The following DCT variants were observed in gnomAD, a reference collection of about 807,000 sequenced individuals.
DCT encodes dopachrome tautomerase.
DCT carries 47 observed loss-of-function variants against 53.0 expected under a neutral mutation model. That is an observed-to-expected ratio of 0.89 (90% CI 0.70 to 1.13). The LOEUF (loss-of-function observed/expected upper bound fraction) is 1.13. Ranked by LOEUF, DCT falls within the 50% of genes most tolerant of loss-of-function variation. DCT has a pLI of 0.00. For synonymous variants in DCT, 244 were observed against 237.0 expected (o/e 1.03, Z -0.27); for missense variants, 669 against 637.4 (o/e 1.05, Z -0.53).
intron 4 of DCT, among the ~76,000 whole-genome samples, chr13:94,464,367 A>G (rs1594303638): frequency 6.6e-6 from 1 of 152,142 alleles, no homozygotes; most frequent in East Asian, 1.9e-4. Context: ...AGGCCGGGTG[A>G]GGTGGCTTAC....
the DCT span, among the ~76,000 whole-genome samples, chr13:94,515,243 C>A: frequency 6.6e-6 from 1 of 152,142 alleles, no homozygotes; most frequent in Non-Finnish European, 1.5e-5. Context: ...TGTAGCAGCC[C>A]CAACTGACTA....
the DCT span, among the ~76,000 whole-genome samples, chr13:94,496,964 G>A: frequency 6.6e-6 from 1 of 152,192 alleles, no homozygotes; most frequent in Non-Finnish European, 1.5e-5. Flanking sequence ...CACGTTAAGA[G>A]TTGAACTAAA....
intron 6 of DCT, chr13:94,445,745 T>C (rs1446320804): frequency 6.3e-7 from 1 of 1,586,752 alleles, no homozygotes; most frequent in Non-Finnish European, 8.6e-7. Flanking sequence ...GGGAGTTCCT[T>C]GGTCGCTTTC....
At chr13:94,494,220 A>G in the DCT span, among the ~76,000 whole-genome samples, 1 of 152,100 alleles carries the variant, frequency 6.6e-6, no homozygotes, top group African/African-American at 2.4e-5. Context: ...AGCTTTTAAC[A>G]TCTGCCTTCT....
the DCT span, among the ~76,000 whole-genome samples, chr13:94,532,780 T>C: frequency 2.6e-5 from 4 of 152,068 alleles, no homozygotes; most frequent in African/African-American, 9.7e-5. Context: ...GAACTTAAAG[T>C]ATAATAAAAA....
At position 94,465,648 on chromosome 13, in the gene DCT, T is replaced by C. The variant is rs759059356; in HGVS notation, c.848A>G (p.Glu283Gly). 3.1e-6 allele frequency: 5 copies of C among 1,613,530 alleles called. No homozygotes were observed. In the South Asian group the frequency reaches 3.3e-5, roughly 11 times the overall value. ...GAGCCATTACCTATCACAGACAGTT[T>C]CCCAGCTGGAGAATCTTGAGTTCCG... Reference protein sequence around the residue: ...ISRNSRFSSWETVCDSLDDYN... With the variant: ...ISRNSRFSSWGTVCDSLDDYN... The change falls in exon 4 of 8, where the codon GAA (glutamate) becomes GGA (glycine). Residue 283 changes from glutamate to glycine, a missense_variant. By Grantham distance (98) the Glu-to-Gly change is moderately conservative. Transcript: ENST00000377028.
the DCT span, among the ~76,000 whole-genome samples, chr13:94,518,026 T>G: frequency 6.7e-6 from 1 of 149,984 alleles, no homozygotes; most frequent in East Asian, 2.0e-4. Context: ...GACGATCACT[T>G]GAGTCCAGGA....
the DCT span, among the ~76,000 whole-genome samples, chr13:94,546,035 G>T: frequency 6.6e-6 from 1 of 152,088 alleles, no homozygotes; most frequent in Non-Finnish European, 1.5e-5. This position sits in a 1 kb window ranked among gnomAD's most constrained non-coding sequence, Gnocchi z 4.2. Flanking sequence ...AGAATTCTAT[G>T]CACCATCTGA....
intron 6 of DCT, among the ~76,000 whole-genome samples, chr13:94,455,121 C>T (rs1283548307): frequency 3.3e-5 from 5 of 152,200 alleles, no homozygotes; most frequent in Admixed American, 6.5e-5. Context: ...GATATGGTGA[C>T]TCACCCAGTG....
intron 6 of DCT, among the ~76,000 whole-genome samples, chr13:94,449,806 T>C (rs1882965546): frequency 6.6e-6 from 1 of 152,206 alleles, no homozygotes; most frequent in South Asian, 2.1e-4. Context: ...GGTTTCACAC[T>C]GCCCTAAATA....
intron 6 of DCT, among the ~76,000 whole-genome samples, chr13:94,453,922 A>G (rs1883255144): frequency 6.6e-6 from 1 of 152,112 alleles, no homozygotes; most frequent in Non-Finnish European, 1.5e-5. Flanking sequence ...TGATACACCT[A>G]TCCTTCTTTT....
At chr13:94,441,758 T>G (rs900658818) in intron 7 of DCT, among the ~76,000 whole-genome samples, 1 of 152,224 alleles carries the variant, frequency 6.6e-6, no homozygotes, top group Non-Finnish European at 1.5e-5. Flanking sequence ...TAACAGACAC[T>G]TGGTTTGCAT....
chr13:94,509,723 T>C, the DCT span, among the ~76,000 whole-genome samples: 1 of 152,166 alleles, frequency 6.6e-6, no homozygotes, highest in Non-Finnish European at 1.5e-5. Flanking sequence ...AATGGAATCA[T>C]AATAGCACCC....
the DCT span, among the ~76,000 whole-genome samples, chr13:94,546,470 C>G: frequency 6.6e-6 from 1 of 152,094 alleles, no homozygotes; most frequent in East Asian, 1.9e-4. The surrounding 1 kb of genome is among the most constrained non-coding windows in gnomAD (Gnocchi z 4.2). Flanking sequence ...CTGTCCTTAC[C>G]ACGTTACCTA....
At position 94,450,748 on chromosome 13, in the gene DCT, C is replaced by T. The variant is rs117663971; in HGVS notation, c.1180-7111G>A. ...CAACATGCATCATAAGTTGACATTA[C>T]GGATTGGAGAAAGAACCAAGGTGAT... On this transcript the variant is annotated intron_variant, in intron 6 of 7. Coordinates refer to ENST00000377028, the MANE Select transcript of DCT (RefSeq NM_001922.5). 2.0e-3 allele frequency among the ~76,000 whole-genome samples: 306 copies of T among 152,206 alleles called. 1 individual carries two copies. Among genetic ancestry groups the T allele is most frequent in the Non-Finnish European group, 3.6e-3 (242 of 68,016 alleles).
chr13:94,481,226 C>T (rs981725537), upstream of DCT, among the ~76,000 whole-genome samples: 2 of 152,226 alleles, frequency 1.3e-5, no homozygotes, highest in African/African-American at 4.8e-5. Context: ...CAAGATTCTT[C>T]ACTCAATTAC....
chr13:94,498,635 T>C, the DCT span, among the ~76,000 whole-genome samples: 2 of 152,212 alleles, frequency 1.3e-5, no homozygotes, highest in Admixed American at 6.5e-5. Context: ...CCACCCAGTT[T>C]ACAGTAATTT....
intron 1 of DCT, among the ~76,000 whole-genome samples, chr13:94,472,848 T>C (rs1375852773): frequency 2.6e-5 from 4 of 151,770 alleles, no homozygotes; most frequent in Non-Finnish European, 5.9e-5. Flanking sequence ...TCCCAAAGTG[T>C]TGGGATTACA....
the DCT span, among the ~76,000 whole-genome samples, chr13:94,542,872 C>T: frequency 4.6e-5 from 7 of 152,014 alleles, no homozygotes; most frequent in Non-Finnish European, 7.4e-5. Context: ...TGTTCACACA[C>T]GAGAGTACCA....
Sources: gnomAD v4.1 joint callset for allele counts (sites outside exome capture counted in the v4.1 genomes callset) on GRCh38, gnomAD v4.1.1 for gene constraint, Gnocchi (gnomAD v3.1) non-coding constraint, MANE v1.5 for transcripts, NCBI Gene and HGNC (gene_info 2026-07-23, HGNC 2026-07-21) for gene names.